Variants in SGCD observed in about 807,000 individuals in gnomAD.
SGCD encodes the protein delta-sarcoglycan.
Under a neutral mutation model 36.6 loss-of-function variants are expected in SGCD, and 18 were observed. The observed-to-expected ratio is 0.49, with a 90% CI of 0.34 to 0.73. SGCD has a LOEUF of 0.73. Ranked by LOEUF, SGCD falls within the 30% of genes least tolerant of loss-of-function variation. The pLI, the probability that SGCD is intolerant of heterozygous loss-of-function variation, is 0.01. For missense variants in SGCD, 387 were observed against 346.7 expected (o/e 1.12, Z -0.92); for synonymous variants, 133 against 130.6 (o/e 1.02, Z -0.12).
At chr5:155,987,185 C>T (rs2127563664) in intron 1 of SGCD, among the ~76,000 whole-genome samples, 1 of 152,270 alleles carries the variant, frequency 6.6e-6, no homozygotes, top group South Asian at 2.1e-4. Context: ...ATCATTTGAA[C>T]TTGCATTAAT....
the SGCD span, among the ~76,000 whole-genome samples, chr5:155,812,908 G>A: frequency 6.6e-6 from 1 of 152,324 alleles, no homozygotes; most frequent in African/African-American, 2.4e-5. Flanking sequence ...CATCACTGCA[G>A]TTGTGTTTTG....
At chr5:156,715,248 T>C (rs1296122007) in intron 7 of SGCD, among the ~76,000 whole-genome samples, 1 of 152,132 alleles carries the variant, frequency 6.6e-6, no homozygotes, top group East Asian at 1.9e-4. Context: ...TTCAATGCAA[T>C]TATTATGAAT....
chr5:155,767,979 T>C, the SGCD span, among the ~76,000 whole-genome samples: 1 of 152,164 alleles, frequency 6.6e-6, no homozygotes, highest in East Asian at 1.9e-4. Context: ...TAGAATTGTA[T>C]AGAGAGAATT....
chr5:156,657,029 T>C (rs1763711007), intron 7 of SGCD, among the ~76,000 whole-genome samples: 1 of 152,170 alleles, frequency 6.6e-6, no homozygotes. Flanking sequence ...TTGACAAAAA[T>C]GAATTTATTT....
chr5:155,807,851 C>A, the SGCD span, among the ~76,000 whole-genome samples: 1 of 152,152 alleles, frequency 6.6e-6, no homozygotes, highest in South Asian at 2.1e-4. Context: ...GGATAGTTTT[C>A]TTTTCTGTCT....
At chr5:156,559,086 T>C (rs1759166843) in intron 4 of SGCD, among the ~76,000 whole-genome samples, 2 of 152,158 alleles carry the variant, frequency 1.3e-5, no homozygotes, top group South Asian at 4.1e-4. Context: ...CTAAATGACC[T>C]TATACAGATC....
intron 3 of SGCD, among the ~76,000 whole-genome samples, chr5:156,361,071 G>T (rs959304886): frequency 2.0e-5 from 3 of 152,202 alleles, no homozygotes; most frequent in Non-Finnish European, 2.9e-5. Flanking sequence ...GGGCTTCGGG[G>T]TCATGGGCAC....
intron 3 of SGCD, among the ~76,000 whole-genome samples, chr5:156,503,601 T>A (rs963612211): frequency 6.6e-6 from 1 of 152,182 alleles, no homozygotes; most frequent in Non-Finnish European, 1.5e-5. Flanking sequence ...TGACTACGAA[T>A]GTAAAGTCTG....
chr5:155,871,486 G>A (rs1198786173), intron 1 of SGCD, among the ~76,000 whole-genome samples: 1 of 152,184 alleles, frequency 6.6e-6, no homozygotes, highest in African/African-American at 2.4e-5. Flanking sequence ...GGTAAGAAAA[G>A]CCTGGATAGG....
At chr5:156,209,580 C>G (rs1416714461) in intron 3 of SGCD, among the ~76,000 whole-genome samples, 1 of 152,184 alleles carries the variant, frequency 6.6e-6, no homozygotes, top group Admixed American at 6.5e-5. Flanking sequence ...CCAGTGGCCT[C>G]AAGGACAAGT....
At chr5:156,223,306 G>T (rs1258907825) in intron 3 of SGCD, among the ~76,000 whole-genome samples, 1 of 152,086 alleles carries the variant, frequency 6.6e-6, no homozygotes, top group Non-Finnish European at 1.5e-5. Context: ...TTAGATGATA[G>T]TGGAGATTGC....
chr5:155,939,499 C>T (rs1757280417), intron 1 of SGCD, among the ~76,000 whole-genome samples: 1 of 151,528 alleles, frequency 6.6e-6, no homozygotes, highest in South Asian at 2.1e-4. Flanking sequence ...CAAAAATTAG[C>T]CAGGTGTGGT....
At chr5:156,488,318 A>G (rs1755794991) in intron 3 of SGCD, among the ~76,000 whole-genome samples, 1 of 152,170 alleles carries the variant, frequency 6.6e-6, no homozygotes, top group Middle Eastern at 3.4e-3. Flanking sequence ...TAGAAGCTCA[A>G]AACCCCCCAA....
chr5:156,025,161 G>C (rs1759199757), intron 1 of SGCD, among the ~76,000 whole-genome samples: 1 of 152,266 alleles, frequency 6.6e-6, no homozygotes, highest in Admixed American at 6.5e-5. Flanking sequence ...TGGTGATTTA[G>C]TGATCCTCAT....
intron 1 of SGCD, among the ~76,000 whole-genome samples, chr5:156,043,985 C>G (rs574449806): frequency 6.6e-6 from 1 of 152,178 alleles, no homozygotes; most frequent in East Asian, 1.9e-4. Context: ...CAGCATCCTA[C>G]AATCTTCTAG....
intron 3 of SGCD, among the ~76,000 whole-genome samples, chr5:156,313,000 T>C (rs1006445324): frequency 6.6e-6 from 1 of 152,126 alleles, no homozygotes; most frequent in African/African-American, 2.4e-5. Context: ...ATATTTGTTT[T>C]GTTTTGTTTT....
chr5:156,073,982 G>A (rs4704970), intron 1 of SGCD, among the ~76,000 whole-genome samples: 21,523 of 152,218 alleles, frequency 0.14, 1,802 homozygotes, highest in Non-Finnish European at 0.19. Context: ...AGGTCTTGAA[G>A]GGTGAGTAAG....
At chr5:156,237,719 A>G (rs1269991830) in intron 3 of SGCD, among the ~76,000 whole-genome samples, 1 of 152,174 alleles carries the variant, frequency 6.6e-6, no homozygotes, top group African/African-American at 2.4e-5. Flanking sequence ...AATTGAATGG[A>G]GCTGGTAAAG....
intron 1 of SGCD, among the ~76,000 whole-genome samples, chr5:156,060,865 C>T (rs764352064): frequency 6.9e-6 from 1 of 145,460 alleles, no homozygotes; most frequent in South Asian, 2.2e-4. Context: ...AAATTTATAT[C>T]ACTATATTTT....
Sources: gnomAD v4.1 joint callset for allele counts (sites outside exome capture counted in the v4.1 genomes callset) on GRCh38, gnomAD v4.1.1 for gene constraint, MANE v1.5 for transcripts, NCBI Gene and HGNC (gene_info 2026-07-23, HGNC 2026-07-21) for gene names.